Variants in RBFOX3 observed in about 807,000 individuals in gnomAD.
RBFOX3 encodes RNA binding protein fox-1 homolog 3.
A neutral mutation model predicts 48.7 loss-of-function variants in RBFOX3; 17 were observed. That is an observed-to-expected ratio of 0.35 (90% CI 0.24 to 0.52). The LOEUF (loss-of-function observed/expected upper bound fraction) is 0.52, where lower values mean the gene tolerates loss of function less well. Ranked by LOEUF, RBFOX3 falls within the 20% of genes least tolerant of loss-of-function variation. The pLI is 0.94. For synonymous variants in RBFOX3, 212 were observed against 209.5 expected, an observed-to-expected ratio of 1.01 and a Z score of -0.10; for missense variants, 382 against 497.5, an observed-to-expected ratio of 0.77 and a Z score of 2.21.
At chr17:79,633,820 C>T in the RBFOX3 span, among the ~76,000 whole-genome samples, 5 of 152,174 alleles carry the variant, frequency 3.3e-5, no homozygotes, top group East Asian at 7.7e-4. Flanking sequence ...TTCTAAGAGC[C>T]CCGTGTCCTG....
At position 79,364,196 on chromosome 17, in the gene RBFOX3, C is replaced by G. The variant is rs1471335841; in HGVS notation, c.-174-56372G>C. On this transcript the variant is annotated intron_variant, in intron 2 of 14. Transcript: ENST00000693108. This position sits in a 1 kb window ranked among gnomAD's most constrained non-coding sequence, Gnocchi z 5.1. ...GGGAACTGGTGTTCAGCCTTCCTCT[C>G]TGCTCCACCTGCCTGCCCAGAGTAG... Among the ~76,000 whole-genome samples, 1 of 152,252 alleles carries G rather than the reference C, an allele frequency of 6.6e-6. No individual in the cohort carries two copies. Among genetic ancestry groups the G allele is most frequent in the East Asian group, 1.9e-4 (1 of 5,192 alleles).
chr17:79,149,199 A>G (rs1415648536), intron 4 of RBFOX3, among the ~76,000 whole-genome samples: 12 of 152,232 alleles, frequency 7.9e-5, no homozygotes, highest in Admixed American at 7.2e-4. Flanking sequence ...GGGTTACACC[A>G]GGGATGGTGT....
chr17:79,354,258 A>G (rs1395364391), intron 2 of RBFOX3, among the ~76,000 whole-genome samples: 1 of 152,152 alleles, frequency 6.6e-6, no homozygotes, highest in African/African-American at 2.4e-5. Context: ...CAGGCCCACC[A>G]TTCTAGTGTC....
At chr17:79,580,776 C>G (rs2093033091) in intron 1 of RBFOX3, among the ~76,000 whole-genome samples, 1 of 152,128 alleles carries the variant, frequency 6.6e-6, no homozygotes, top group Admixed American at 6.5e-5. Flanking sequence ...TGGATACACT[C>G]CATCCTAACC....
intron 2 of RBFOX3, among the ~76,000 whole-genome samples, chr17:79,369,761 C>T (rs556857134): frequency 8.5e-5 from 13 of 152,292 alleles, no homozygotes; most frequent in African/African-American, 2.9e-4. Flanking sequence ...CCAGCTCAGG[C>T]TCTCTCTGCA....
intron 1 of RBFOX3, among the ~76,000 whole-genome samples, chr17:79,552,297 C>CTAGT (rs2091230694): frequency 6.6e-6 from 1 of 152,138 alleles, no homozygotes; most frequent in African/African-American, 2.4e-5. Flanking sequence ...AGCTTCTGAG[C>CTAGT]TAGTTTAGGT....
At chr17:79,263,753 G>A (rs1346252903) in intron 3 of RBFOX3, among the ~76,000 whole-genome samples, 1 of 152,206 alleles carries the variant, frequency 6.6e-6, no homozygotes, top group African/African-American at 2.4e-5. Context: ...ATGGCTGGAT[G>A]AACGCGCGCT....
intron 4 of RBFOX3, among the ~76,000 whole-genome samples, chr17:79,170,151 AAGGGAGG>A (rs1458557588): frequency 6.8e-6 from 1 of 146,558 alleles, no homozygotes; most frequent in South Asian, 2.3e-4. Flanking sequence ...GGAAGGAAGG[AAGGGAGG>A]AGGAAGGAGG....
chr17:79,483,442 C>CCCTCCCTCCCTCCCTCCCTGCCTG (rs2149500873), intron 1 of RBFOX3, among the ~76,000 whole-genome samples: 4 of 20,570 alleles, frequency 1.9e-4, no homozygotes, highest in Admixed American at 4.5e-4. Flanking sequence ...TTGCAGGCCT[C>CCCTCCCTCCCTCCCTCCCTGCCTG]CCTCCCTCCC....
intron 4 of RBFOX3, among the ~76,000 whole-genome samples, chr17:79,157,974 G>A (rs1375913589): frequency 6.6e-6 from 1 of 152,200 alleles, no homozygotes; most frequent in Non-Finnish European, 1.5e-5. Context: ...CTCCTACGCT[G>A]AAGTCCTAAC....
At chr17:79,122,199 C>T (rs917176775) in intron 4 of RBFOX3, among the ~76,000 whole-genome samples, 5 of 152,198 alleles carry the variant, frequency 3.3e-5, no homozygotes, top group Admixed American at 6.5e-5. Context: ...CGCCCTGAAC[C>T]GCCCACTGCT....
At chr17:79,324,030 C>T (rs1001639459) in intron 2 of RBFOX3, among the ~76,000 whole-genome samples, 1 of 152,176 alleles carries the variant, frequency 6.6e-6, no homozygotes, top group African/African-American at 2.4e-5. Flanking sequence ...AGCCCGCTTC[C>T]TCTTGTTGAG....
intron 4 of RBFOX3, among the ~76,000 whole-genome samples, chr17:79,202,337 G>A (rs937402292): frequency 9.9e-5 from 15 of 152,076 alleles, no homozygotes; most frequent in Non-Finnish European, 2.1e-4. Flanking sequence ...CGGGTACCAC[G>A]CTCACGTATA....
chr17:79,151,256 CA>C (rs1227577356), intron 4 of RBFOX3, among the ~76,000 whole-genome samples: 2 of 151,318 alleles, frequency 1.3e-5, no homozygotes, highest in Non-Finnish European at 2.9e-5. Context: ...ACACACAGTC[CA>C]GGGGGAGAAG....
intron 1 of RBFOX3, among the ~76,000 whole-genome samples, chr17:79,605,918 C>G (rs2093818909): frequency 6.6e-6 from 1 of 152,174 alleles, no homozygotes; most frequent in South Asian, 2.1e-4. Flanking sequence ...GACTGATTTT[C>G]ACTTCTAAAA....
intron 3 of RBFOX3, among the ~76,000 whole-genome samples, chr17:79,287,839 A>G (rs6501297): frequency 0.58 from 87,867 of 152,086 alleles, 25,599 homozygotes; most frequent in African/African-American, 0.63. Context: ...CTGCTTCTGG[A>G]ATGGACGGGC....
chr17:79,379,323 C>T (rs1697483607), intron 2 of RBFOX3, among the ~76,000 whole-genome samples: 2 of 152,112 alleles, frequency 1.3e-5, no homozygotes, highest in South Asian at 2.1e-4. Context: ...ACTCAGGTCT[C>T]GGGGATGACC....
At position 79,527,473 on chromosome 17, in the gene RBFOX3, G is replaced by A. The variant is rs1031329181; in HGVS notation, c.-319-44875C>T. 2.1e-3 allele frequency among the ~76,000 whole-genome samples: 327 copies of A among 152,334 alleles called. 2 individuals are homozygous for A. Among genetic ancestry groups the A allele is most frequent in the African/African-American group, 7.5e-3 (313 of 41,588 alleles). ...CTGGTACTTCTGTGCTCAGCTACTC[G>A]ATGGGCTTTGTGCCCTCTCCTGGCC... On this transcript the variant is annotated intron_variant, in intron 1 of 14. Transcript: ENST00000693108.
chr17:79,232,599 C>T (rs1013960223), intron 4 of RBFOX3, among the ~76,000 whole-genome samples: 2 of 152,192 alleles, frequency 1.3e-5, no homozygotes, highest in African/African-American at 4.8e-5. Context: ...AAATAAACCT[C>T]AATCTATAGC....
Sources: allele counts gnomAD v4.1 joint callset (sites outside exome capture counted in the v4.1 genomes callset), GRCh38; gene constraint gnomAD v4.1.1; non-coding constraint Gnocchi (gnomAD v3.1); transcripts MANE v1.5; gene names NCBI Gene and HGNC (gene_info 2026-07-23, HGNC 2026-07-21).